The following SHROOM3 variants were observed in gnomAD, a reference collection of about 807,000 sequenced individuals.
SHROOM3 encodes shroom family member 3.
SHROOM3 carries 47 observed loss-of-function variants against 138.6 expected under a neutral mutation model. The ratio of observed to expected loss-of-function variants is 0.34; its 90% CI spans 0.27 to 0.43. SHROOM3 has a LOEUF of 0.43. Among genes scored for constraint, SHROOM3 ranks in the 20% least tolerant of loss-of-function variants. The pLI is 1.00. For synonymous variants in SHROOM3, 1,062 were observed against 1,063.3 expected, an observed-to-expected ratio of 1.00 and a Z score of 0.02; for missense variants, 2,491 against 2,596.5, an observed-to-expected ratio of 0.96 and a Z score of 0.88.
chr4:76,506,713 C>T (rs1274373599), intron 1 of SHROOM3, among the ~76,000 whole-genome samples: 2 of 152,158 alleles, frequency 1.3e-5, no homozygotes, highest in Non-Finnish European at 2.9e-5. Flanking sequence ...TACCTCATTC[C>T]TGATTCCCTG....
At chr4:76,742,166 C>T in intron 5 of SHROOM3, 4 of 588,498 alleles carry the variant, frequency 6.8e-6, no homozygotes, top group Non-Finnish European at 1.2e-5. Context: ...ATCTATCTGT[C>T]TACCTCCATT....
rs533625276 is a variant in SHROOM3 at position 76,721,083 on chromosome 4, G to A, written c.456-9721G>A. The stretch of plus-strand genomic sequence containing the variant: ...CTCCAGCACTTTGGGAGGCCGAGGC[G>A]GGCGGATCAAGAGGTCAGGAGATCG... On this transcript the variant is annotated intron_variant, in intron 3 of 10. Coordinates refer to ENST00000296043, the MANE Select transcript of SHROOM3 (RefSeq NM_020859.4). 9.4e-4 allele frequency among the ~76,000 whole-genome samples: 143 copies of A among 151,938 alleles called. 5 individuals are homozygous for A. In the South Asian group the frequency reaches 0.029, roughly 31 times the overall value.
At chr4:76,635,135 T>C (rs1735453634) in intron 2 of SHROOM3, among the ~76,000 whole-genome samples, 1 of 152,162 alleles carries the variant, frequency 6.6e-6, no homozygotes, top group Non-Finnish European at 1.5e-5. Flanking sequence ...AAAATTACCC[T>C]GGAAGACTGC....
In SHROOM3 at chr4:76,439,508, G is replaced by A. The variant is rs557516326; in HGVS notation, c.168+3288G>A. Among the ~76,000 whole-genome samples, 23 of 152,168 alleles carry A rather than the reference G, an allele frequency of 1.5e-4. 1 individual carries two copies. Among genetic ancestry groups the A allele is most frequent in the Admixed American group, 1.3e-3 (20 of 15,274 alleles). On this transcript the variant is annotated intron_variant, in intron 1 of 10. Transcript: ENST00000296043. Reference sequence around the variant, plus strand: ...ATTGGTAGAAGTCTATGTAATTAAGGCAGTACCAGGGATGAGACTAAAGTG... The same window carrying A: ...ATTGGTAGAAGTCTATGTAATTAAGACAGTACCAGGGATGAGACTAAAGTG...
intron 1 of SHROOM3, among the ~76,000 whole-genome samples, chr4:76,459,759 A>G (rs1579168018): frequency 6.6e-6 from 1 of 152,306 alleles, no homozygotes. Context: ...ACAACAGTCC[A>G]GAAAATGCTA....
At chr4:76,545,340 A>T (rs1413594849) in intron 1 of SHROOM3, among the ~76,000 whole-genome samples, 1 of 152,166 alleles carries the variant, frequency 6.6e-6, no homozygotes, top group Non-Finnish European at 1.5e-5. Flanking sequence ...CCTTGTGGTC[A>T]GCTCCTTCCT....
chr4:76,731,199 C>G (rs1354445751), intron 4 of SHROOM3, among the ~76,000 whole-genome samples: 1 of 152,172 alleles, frequency 6.6e-6, no homozygotes, highest in Non-Finnish European at 1.5e-5. Context: ...TCCATCAATT[C>G]TCAGACATTT....
At chr4:76,700,936 C>T (rs1029742141) in intron 2 of SHROOM3, among the ~76,000 whole-genome samples, 1 of 152,070 alleles carries the variant, frequency 6.6e-6, no homozygotes, top group African/African-American at 2.4e-5. Context: ...AGGTGTGAGC[C>T]ACCACAACCA....
rs1003110845 is a variant in SHROOM3 at position 76,730,712 on chromosome 4, A to G, written c.456-92A>G. ...GCTTTTCAATCTCTGAGGACACAGC[A>G]GTCTTCGCTTCCAAATCCACAAGTC... On this transcript the variant is annotated intron_variant, in intron 3 of 10. Coordinates refer to ENST00000296043, the MANE Select transcript of SHROOM3 (RefSeq NM_020859.4). 2.6e-6 allele frequency: 4 copies of G among 1,547,686 alleles called. No individual in the cohort carries two copies. The African/African-American group carries it at 5.4e-5, about 21-fold the overall frequency.
chr4:76,492,149 G>T (rs868321322), intron 1 of SHROOM3, among the ~76,000 whole-genome samples: 1 of 152,150 alleles, frequency 6.6e-6, no homozygotes, highest in Non-Finnish European at 1.5e-5. Flanking sequence ...CATTCCCATA[G>T]CCCCTAGATA....
At chr4:76,710,025 G>T in intron 2 of SHROOM3, 131 bp from the exon 3 acceptor site, 2 of 1,183,152 alleles carry the variant, frequency 1.7e-6, no homozygotes, top group East Asian at 2.4e-5. Context: ...TTAGAACCCT[G>T]CACTTAGCTG....
chr4:76,555,660 G>A lies in SHROOM3; in HGVS notation c.220G>A (p.Asp74Asn), dbSNP rs761396961. ...DTLSSKLQAG[D>N]EVVHINEVTL... ...CCTGAGCTCCAAACTGCAGGCTGGG[G>A]ATGAGGTTGTGCACATCAATGAGGT... The change falls in exon 2 of 11, where the codon GAT becomes AAT. Residue 74 changes from aspartate to asparagine, a missense_variant. By Grantham distance (23) the Asp-to-Asn change is conservative. This residue lies in a region of SHROOM3 where 284 missense variants were observed against 322.8 expected (regional missense o/e 0.88). Transcript: ENST00000296043. 2.7e-5 allele frequency: 43 copies of A among 1,614,020 alleles called. No homozygotes were observed. The highest frequency in any genetic ancestry group is 1.7e-6 in the Non-Finnish European group (2 of 1,180,044).
At chr4:76,553,157 T>C (rs1733400120) in intron 1 of SHROOM3, among the ~76,000 whole-genome samples, 1 of 150,982 alleles carries the variant, frequency 6.6e-6, no homozygotes, top group Non-Finnish European at 1.5e-5. Flanking sequence ...TTTTGTTTTG[T>C]TTTGTTTTGT....
At chr4:76,461,567 T>A (rs1250461509) in intron 1 of SHROOM3, among the ~76,000 whole-genome samples, 1 of 152,196 alleles carries the variant, frequency 6.6e-6, no homozygotes, top group African/African-American at 2.4e-5. Flanking sequence ...TGCATGATAT[T>A]CTAAATGAAG....
At chr4:76,695,006 A>G (rs1719683562) in intron 2 of SHROOM3, among the ~76,000 whole-genome samples, 1 of 152,226 alleles carries the variant, frequency 6.6e-6, no homozygotes. Context: ...GATGTCAACT[A>G]TCTTTCCCTT....
intron 1 of SHROOM3, among the ~76,000 whole-genome samples, chr4:76,502,504 G>A (rs1732119222): frequency 6.6e-6 from 1 of 152,176 alleles, no homozygotes; most frequent in African/African-American, 2.4e-5. Context: ...CAGGCAGATA[G>A]TGACAGAATT....
At chr4:76,530,909 T>C (rs1334568404) in intron 1 of SHROOM3, among the ~76,000 whole-genome samples, 1 of 152,182 alleles carries the variant, frequency 6.6e-6, no homozygotes, top group Non-Finnish European at 1.5e-5. Context: ...TTCAGTGGAC[T>C]CAGATGTATA....
intron 1 of SHROOM3, among the ~76,000 whole-genome samples, chr4:76,552,084 A>G (rs773741628): frequency 6.0e-5 from 9 of 149,904 alleles, no homozygotes; most frequent in Admixed American, 3.3e-4. Flanking sequence ...GATGGACTCG[A>G]TCTCCTGACC....
At chr4:76,515,833 G>A (rs1010151536) in intron 1 of SHROOM3, among the ~76,000 whole-genome samples, 3 of 152,122 alleles carry the variant, frequency 2.0e-5, no homozygotes, top group Non-Finnish European at 2.9e-5. Flanking sequence ...TTCTAAGCTA[G>A]GACAGACTTA....
Sources: gnomAD v4.1 joint callset for allele counts (sites outside exome capture counted in the v4.1 genomes callset) on GRCh38, gnomAD v4.1.1 for gene constraint, gnomAD v4.1.1 regional missense constraint, MANE v1.5 for transcripts, NCBI Gene and HGNC (gene_info 2026-07-23, HGNC 2026-07-21) for gene names.